Variants in GRAPL observed in about 807,000 individuals in gnomAD.
GRAPL encodes GRB2-related adapter protein-like.
intron 3 of GRAPL, among the ~76,000 whole-genome samples, chr17:19,144,584 C>G (rs1352235752): frequency 7.1e-6 from 1 of 141,826 alleles, no homozygotes; most frequent in Non-Finnish European, 1.5e-5. Context: ...AATGGAGACG[C>G]TCTCACACCC....
At chr17:19,149,120 G>A (rs1281524130) in intron 3 of GRAPL, among the ~76,000 whole-genome samples, 1 of 102,556 alleles carries the variant, frequency 9.8e-6, no homozygotes, top group Non-Finnish European at 1.9e-5. Flanking sequence ...ACAAGGTCAG[G>A]AGTTTGAGAC....
At chr17:19,147,050 TGCGCGCGCGCGCGC>T (rs202183900) in intron 3 of GRAPL, among the ~76,000 whole-genome samples, 1 of 119,654 alleles carries the variant, frequency 8.4e-6, no homozygotes, top group African/African-American at 4.2e-5. Context: ...TGTGTGTGTG[TGCGCGCGCGCGCGC>T]GTGCATGTGT....
chr17:19,144,709 C>T (rs1453455565), intron 3 of GRAPL, among the ~76,000 whole-genome samples: 4 of 103,988 alleles, frequency 3.8e-5, no homozygotes, highest in African/African-American at 1.1e-4. Flanking sequence ...GCAGCAGAGC[C>T]GGCTGCACTG....
At chr17:19,141,535 AGTGCTGTCAGCATGTGCGT>A (rs1454690299) in intron 3 of GRAPL, 1 of 145,744 alleles carries the variant, frequency 6.9e-6, no homozygotes, top group Non-Finnish European at 1.5e-5. Context: ...TAAAAATGCG[AGTGCTGTCAGCATGTGCGT>A]GTGTGCGCTT....
At chr17:19,133,224 T>G (rs1280019433) in intron 2 of GRAPL, among the ~76,000 whole-genome samples, 2 of 90,976 alleles carry the variant, frequency 2.2e-5, no homozygotes, top group Admixed American at 1.1e-4. Flanking sequence ...TGGGGGGGAG[T>G]TGGACATTGG....
chr17:19,148,875 T>G (rs1189112191), intron 3 of GRAPL, among the ~76,000 whole-genome samples: 1 of 120,258 alleles, frequency 8.3e-6, no homozygotes, highest in Admixed American at 9.5e-5. Context: ...GCCATTGCAC[T>G]CTAGCCTGGG....
chr17:19,148,999 G>A (rs1227616449), intron 3 of GRAPL, among the ~76,000 whole-genome samples: 9 of 132,090 alleles, frequency 6.8e-5, no homozygotes, highest in Non-Finnish European at 1.4e-4. Context: ...GCGATAGTGG[G>A]CTGGCTGGAA....
chr17:19,144,791 C>CA (rs1253351133), intron 3 of GRAPL, among the ~76,000 whole-genome samples: 1 of 98,760 alleles, frequency 1.0e-5, no homozygotes, highest in Non-Finnish European at 1.9e-5. Flanking sequence ...GAAGTTCCCA[C>CA]AGGCCTTGGG....
chr17:19,147,058 CGCGCGCGT>C lies in GRAPL; in HGVS notation c.299+8473_299+8480del, dbSNP rs1349554355. 2.3e-3 allele frequency among the ~76,000 whole-genome samples: 299 copies of C among 128,746 alleles called. 8 individuals are homozygous for C. Among genetic ancestry groups the C allele is most frequent in the African/African-American group, 9.0e-3 (274 of 30,338 alleles). The allele number at this position is 128,746 out of a possible 152,430, so 84.5% of individuals were successfully genotyped here. On this transcript the variant is annotated intron_variant, in intron 3 of 3. Transcript: ENST00000344415. ...GTGTGTGTGTGTGTGTGTGCGCGCG[CGCGCGCGT>C]GCATGTGTCCCATCAAGGCATCAAG...
intron 3 of GRAPL, among the ~76,000 whole-genome samples, chr17:19,149,328 CAAAAAA>C (rs1169593968): frequency 7.9e-5 from 1 of 12,634 alleles, no homozygotes; most frequent in Non-Finnish European, 1.0e-4. Context: ...GACTCTGTCT[CAAAAAA>C]AAAAAAAAAA....
intron 3 of GRAPL, among the ~76,000 whole-genome samples, chr17:19,149,324 G>T (rs1597954093): frequency 3.8e-5 from 2 of 52,772 alleles, no homozygotes; most frequent in Non-Finnish European, 4.9e-5. Context: ...GCAAGACTCT[G>T]TCTCAAAAAA....
chr17:19,148,947 G>C, intron 3 of GRAPL, among the ~76,000 whole-genome samples: 1 of 132,102 alleles, frequency 7.6e-6, no homozygotes, highest in Non-Finnish European at 1.6e-5. Flanking sequence ...GAAAGAGCAG[G>C]CTCTCTCCTC....
At position 19,144,796 on chromosome 17, in the gene GRAPL, C is replaced by T. The variant is rs1405385567; in HGVS notation, c.299+6208C>T. Among the ~76,000 whole-genome samples, 71 of 97,660 alleles carry T rather than the reference C, an allele frequency of 7.3e-4. 1 individual carries two copies. Among genetic ancestry groups the T allele is most frequent in the South Asian group, 1.3e-3 (2 of 1,496 alleles). The allele number at this position is 97,660 out of a possible 152,430, so 64.1% of individuals were successfully genotyped here. A position where few individuals can be genotyped will look rare whatever the true frequency, so the allele number is the denominator to read the frequency against. ...TGCAAGCCCTGAAGTTCCCACAGGC[C>T]TTGGGAAGGGGAGTGGAGATGAGGT... is the stretch of plus-strand genomic sequence containing the variant. On this transcript the variant is annotated intron_variant, in intron 3 of 3. Coordinates refer to ENST00000344415, the MANE Select transcript of GRAPL (RefSeq NM_001129778.3).
chr17:19,149,160 T>C (rs1004086008), intron 3 of GRAPL, among the ~76,000 whole-genome samples: 6 of 87,308 alleles, frequency 6.9e-5, no homozygotes, highest in African/African-American at 2.9e-4. Context: ...AAACCCCGTC[T>C]CTACTAAAAA....
intron 3 of GRAPL, among the ~76,000 whole-genome samples, chr17:19,147,261 C>T (rs1216109257): frequency 6.5e-5 from 9 of 138,026 alleles, no homozygotes; most frequent in Non-Finnish European, 1.1e-4. Context: ...TTAGCTCCGC[C>T]AGCCACCTGA....
chr17:19,149,497 T>C (rs1282672085), intron 3 of GRAPL, among the ~76,000 whole-genome samples: 1 of 91,578 alleles, frequency 1.1e-5, no homozygotes, highest in Non-Finnish European at 1.7e-5. Flanking sequence ...CACCGTGGCT[T>C]ACGCCTATAA....
At chr17:19,141,670 C>CA (rs1340901180) in intron 3 of GRAPL, 1 of 134,398 alleles carries the variant, frequency 7.4e-6, no homozygotes, top group Non-Finnish European at 1.6e-5. Flanking sequence ...CCCCACCCCC[C>CA]CAGCCCAGCC....
chr17:19,149,335 A>G (rs2044720700), intron 3 of GRAPL, among the ~76,000 whole-genome samples: 1 of 94,222 alleles, frequency 1.1e-5, no homozygotes, highest in African/African-American at 6.5e-5. Context: ...TCTCAAAAAA[A>G]AAAAAAAAAA....
chr17:19,149,870 T>C (rs1259099361), intron 3 of GRAPL, among the ~76,000 whole-genome samples: 1 of 73,504 alleles, frequency 1.4e-5, no homozygotes, highest in Non-Finnish European at 2.0e-5. Flanking sequence ...GGTCAGGAGT[T>C]TGAGACCAGC....
Sources: allele counts gnomAD v4.1 joint callset (sites outside exome capture counted in the v4.1 genomes callset), GRCh38; gene constraint gnomAD v4.1.1; transcripts MANE v1.5; gene names NCBI Gene and HGNC (gene_info 2026-07-23, HGNC 2026-07-21).